The following ASPHD1 variants were observed in gnomAD, a reference collection of about 807,000 sequenced individuals.
ASPHD1 encodes the protein aspartate beta-hydroxylase domain-containing protein 1.
Under a neutral mutation model 28.3 loss-of-function variants are expected in ASPHD1, and 20 were observed. The observed-to-expected ratio is 0.71, with a 90% CI of 0.50 to 1.03. The LOEUF is 1.03. Among genes scored for constraint, ASPHD1 ranks in the 50% least tolerant of loss-of-function variants. The probability of loss-of-function intolerance (pLI) is 0.00; values close to 1 mark genes in which losing one functional copy is unlikely to be tolerated. For synonymous variants in ASPHD1, 240 were observed against 221.2 expected, an observed-to-expected ratio of 1.08 and a Z score of -0.75; for missense variants, 479 against 524.1, an observed-to-expected ratio of 0.91 and a Z score of 0.84.
At chr16:29,904,187 T>C (rs1177986598) in intron 1 of ASPHD1, among the ~76,000 whole-genome samples, 17 of 151,932 alleles carry the variant, frequency 1.1e-4, no homozygotes. Context: ...GGCTCACACC[T>C]GTAATCCCAG....
In ASPHD1 at chr16:29,906,002, G is replaced by GGGGGGGGGT; in HGVS notation, c.*105_*106insGGGGGGGGT. On this transcript the variant is annotated 3_prime_UTR_variant, in exon 3 of 3. Coordinates refer to ENST00000308748, the MANE Select transcript of ASPHD1 (RefSeq NM_181718.4). ...TCTACTGCGGGGGTGGGCGGGGGCGGAGGATGGGAACTGGCTAGTGAGCAC... is the reference window on the plus strand; with the variant it reads ...TCTACTGCGGGGGTGGGCGGGGGCGGGGGGGGGGTAGGATGGGAACTGGCTAGTGAGCAC... The GGGGGGGGGT allele has an allele frequency of 1.2e-5, 5 of 414,048 alleles. No individual in the cohort carries two copies. The highest frequency in any genetic ancestry group is 3.2e-5 in the Admixed American group (1 of 31,732). The allele number at this position is 414,048 out of a possible 1,614,324, so 25.6% of individuals were successfully genotyped here.
At chr16:29,912,342 C>T in intron 3 of ASPHD1, 1 of 499,308 alleles carries the variant, frequency 2.0e-6, no homozygotes, top group Non-Finnish European at 3.5e-6. Flanking sequence ...TCCGTCATGC[C>T]ATTCAGATCG....
Position 29,901,443 on chromosome 16 carries a change from T to A in ASPHD1, c.472T>A (p.Ser158Thr). 6.2e-7 allele frequency: 1 copy of A among 1,604,986 alleles called. No individual in the cohort carries two copies. The highest frequency in any genetic ancestry group is 8.5e-7 in the Non-Finnish European group (1 of 1,177,122). Reference protein sequence around the residue: ...RRLRAYARRYSWAGMGRVRRA... With the variant: ...RRLRAYARRYTWAGMGRVRRA... Reference sequence around the variant, plus strand: ...GCTTCGGGCCTACGCAAGGCGCTACTCCTGGGCTGGGATGGGTAGAGTGAG... The same window carrying A: ...GCTTCGGGCCTACGCAAGGCGCTACACCTGGGCTGGGATGGGTAGAGTGAG... Residue 158 changes from serine (S) to threonine (T), a missense_variant, in exon 1 of 3, where the codon TCC (serine) becomes ACC (threonine). Ser to Thr is a moderately conservative substitution (Grantham distance 58). Coordinates refer to ENST00000308748, the MANE Select transcript of ASPHD1 (RefSeq NM_181718.4). This position sits in a 1 kb window ranked among gnomAD's most constrained non-coding sequence, Gnocchi z 5.1.
intron 3 of ASPHD1, among the ~76,000 whole-genome samples, chr16:29,918,195 A>G (rs1246645270): frequency 1.3e-5 from 2 of 152,250 alleles, no homozygotes; most frequent in African/African-American, 2.4e-5. Flanking sequence ...GGTAAGGATT[A>G]TCAATTTGTG....
rs1389356599 is a variant in ASPHD1, at chr16:29,901,713, G to C, written c.742G>C (p.Gly248Arg). The change falls in exon 1 of 3, where the codon GGG becomes CGG. Residue 248 changes from glycine to arginine, a missense_variant. Physicochemically the swap from Gly to Arg is moderately radical, Grantham distance 125 (BLOSUM62 -2). Coordinates refer to ENST00000308748, the MANE Select transcript of ASPHD1 (RefSeq NM_181718.4). The surrounding 1 kb of genome is among the most constrained non-coding windows in gnomAD (Gnocchi z 5.1). ...GGGCTGGTCCCCACCTCTGGCCCCC[G>C]GGTGCTACCAGCTCCTGCTGTACCA... ...PRGWSPPLAPGCYQLLLYQAG... is the reference protein window; with the variant it reads ...PRGWSPPLAPRCYQLLLYQAG... 12 of 1,571,890 alleles carry C rather than the reference G, an allele frequency of 7.6e-6. No individual in the cohort carries two copies. Among genetic ancestry groups the C allele is most frequent in the Non-Finnish European group, 9.5e-6 (11 of 1,162,612 alleles).
chr16:29,902,011 C>T (rs2068556670), intron 1 of ASPHD1, 91 bp downstream of exon 1: 1 of 1,047,678 alleles, frequency 9.5e-7, no homozygotes, highest in Non-Finnish European at 1.3e-6. Flanking sequence ...CTGTCTGGTT[C>T]TCATTGTGCC....
At chr16:29,914,562 C>T (rs2068776069) in intron 3 of ASPHD1, 1 of 152,124 alleles carries the variant, frequency 6.6e-6, no homozygotes, top group South Asian at 2.1e-4. Flanking sequence ...CCTCAGCATC[C>T]CAAGTAGCTG....
At chr16:29,907,704 C>G (rs1274345729), downstream of ASPHD1, among the ~76,000 whole-genome samples, 1 of 152,060 alleles carries the variant, frequency 6.6e-6, no homozygotes, top group Non-Finnish European at 1.5e-5. Context: ...GGGAGGATCA[C>G]CTGAGCATGG....
In ASPHD1 at chr16:29,906,007, T is replaced by TGTTG; in HGVS notation, c.*111_*112insTTGG. On this transcript the variant is annotated 3_prime_UTR_variant, in exon 3 of 3. Transcript: ENST00000308748. ...TGCGGGGGTGGGCGGGGGCGGAGGA[T>TGTTG]GGGAACTGGCTAGTGAGCACTGAAA... 6.1e-6 allele frequency: 3 copies of TGTTG among 488,880 alleles called. No individual in the cohort carries two copies. Among genetic ancestry groups the TGTTG allele is most frequent in the Non-Finnish European group, 7.5e-6 (2 of 266,800 alleles). The allele number at this position is 488,880 out of a possible 1,614,324, so 30.3% of individuals were successfully genotyped here.
chr16:29,918,661 A>T (rs2068853285), intron 3 of ASPHD1, among the ~76,000 whole-genome samples: 1 of 147,640 alleles, frequency 6.8e-6, no homozygotes, highest in Non-Finnish European at 1.5e-5. Flanking sequence ...TTATTTATTT[A>T]TTTATTTATT....
At chr16:29,915,700 CA>C (rs1364816423) in intron 3 of ASPHD1, among the ~76,000 whole-genome samples, 3 of 152,070 alleles carry the variant, frequency 2.0e-5, no homozygotes, top group African/African-American at 7.2e-5. Flanking sequence ...TGAAAGACAA[CA>C]CCTTTAACCT....
At chr16:29,912,290 C>T (rs541762589) in intron 3 of ASPHD1, 1 of 566,440 alleles carries the variant, frequency 1.8e-6, no homozygotes, top group South Asian at 2.3e-5. Flanking sequence ...TGGCTGTGCC[C>T]CTGCCCGGGA....
At chr16:29,911,020 G>A (rs770149533), downstream of ASPHD1, 8 of 1,614,038 alleles carry the variant, frequency 5.0e-6, no homozygotes, top group East Asian at 1.6e-4. Context: ...TGGAGGTGCA[G>A]CACACCTCGG....
chr16:29,907,211 G>T, downstream of ASPHD1: 1 of 782,852 alleles, frequency 1.3e-6, no homozygotes, highest in Non-Finnish European at 2.1e-6. Flanking sequence ...TAGCCCTGCA[G>T]TCAGGTCCTT....
chr16:29,909,384 G>GT (rs2068666523), downstream of ASPHD1, among the ~76,000 whole-genome samples: 1 of 152,214 alleles, frequency 6.6e-6, no homozygotes. Context: ...GTGTGCAGAG[G>GT]TAAGAGGTAA....
At chr16:29,906,860 G>A (rs184896100), downstream of ASPHD1, 3 of 1,607,814 alleles carry the variant, frequency 1.9e-6, no homozygotes, top group Non-Finnish European at 2.6e-6. Context: ...AAGGCAGGGG[G>A]AGGGTCAGAG....
At position 29,905,946 on chromosome 16, in the gene ASPHD1, G is replaced by C. The variant is rs201351453; in HGVS notation, c.*49G>C. On this transcript the variant is annotated 3_prime_UTR_variant, in exon 3 of 3. Coordinates refer to ENST00000308748, the MANE Select transcript of ASPHD1 (RefSeq NM_181718.4). ...CCAGGCTGGAGAGACACTGCGCTCA[G>C]GGACGGCTTGATGGTAGCCAGGACC... 19 of 1,485,054 alleles carry C rather than the reference G, an allele frequency of 1.3e-5. No individual in the cohort carries two copies. Among genetic ancestry groups the C allele is most frequent in the Middle Eastern group, 3.5e-4 (2 of 5,696 alleles). The allele number at this position is 1,485,054 out of a possible 1,614,324, so 92.0% of individuals were successfully genotyped here.
At chr16:29,911,897 G>T in intron 3 of ASPHD1, 3 of 1,611,070 alleles carry the variant, frequency 1.9e-6, no homozygotes, top group Non-Finnish European at 2.5e-6. Context: ...GGACGAGAGG[G>T]GTGAGGCTGC....
downstream of ASPHD1, chr16:29,906,151 T>G: frequency 4.3e-6 from 1 of 234,492 alleles, no homozygotes; most frequent in Non-Finnish European, 8.3e-6. Context: ...TTTCTTTCTT[T>G]TTTTTTTTTT....
Sources: allele counts gnomAD v4.1 joint callset (sites outside exome capture counted in the v4.1 genomes callset), GRCh38; gene constraint gnomAD v4.1.1; non-coding constraint Gnocchi (gnomAD v3.1); transcripts MANE v1.5; gene names NCBI Gene and HGNC (gene_info 2026-07-23, HGNC 2026-07-21).